Variants in PDE4D observed in about 807,000 individuals in gnomAD.
PDE4D encodes 3',5'-cyclic-AMP phosphodiesterase 4D.
Under a neutral mutation model 87.4 loss-of-function variants are expected in PDE4D, and 24 were observed. The ratio of observed to expected loss-of-function variants is 0.27; its 90% CI spans 0.20 to 0.39. The LOEUF (loss-of-function observed/expected upper bound fraction) is 0.39. Ranked by LOEUF, PDE4D falls within the 10% of genes least tolerant of loss-of-function variation. The pLI is 1.00. For synonymous variants in PDE4D, 384 were observed against 383.2 expected, an observed-to-expected ratio of 1.00 and a Z score of -0.02; for missense variants, 714 against 1,041.0, an observed-to-expected ratio of 0.69 and a Z score of 4.32.
At chr5:60,419,086 A>T (rs1024934803) in intron 1 of PDE4D, among the ~76,000 whole-genome samples, 3 of 152,238 alleles carry the variant, frequency 2.0e-5, no homozygotes, top group Non-Finnish European at 4.4e-5. Flanking sequence ...ATTTGGCAAC[A>T]TTTAACTAAG....
intron 6 of PDE4D, among the ~76,000 whole-genome samples, chr5:59,011,347 C>A (rs1292275047): frequency 6.6e-6 from 1 of 152,052 alleles, no homozygotes; most frequent in African/African-American, 2.4e-5. Context: ...TAAACTTTTC[C>A]GAGCTAAAGG....
intron 6 of PDE4D, among the ~76,000 whole-genome samples, chr5:59,036,235 T>C (rs902725972): frequency 6.6e-6 from 1 of 152,246 alleles, no homozygotes; most frequent in African/African-American, 2.4e-5. Flanking sequence ...AATCCTGATC[T>C]CTTACTAGTG....
intron 1 of PDE4D, among the ~76,000 whole-genome samples, chr5:59,244,203 C>A (rs1347823462): frequency 6.6e-6 from 1 of 151,688 alleles, no homozygotes; most frequent in African/African-American, 2.4e-5. Flanking sequence ...TTCAAGACCA[C>A]CCTGGGCAAC....
intron 2 of PDE4D, chr5:59,215,563 G>GTGTC (rs1343074438): frequency 1.9e-6 from 1 of 526,370 alleles, no homozygotes; most frequent in African/African-American, 2.0e-5. Flanking sequence ...GTGTGTGTGT[G>GTGTC]TGTGTGTGTG....
intron 2 of PDE4D, among the ~76,000 whole-genome samples, chr5:60,066,399 T>A (rs988663507): frequency 2.6e-5 from 4 of 152,134 alleles, no homozygotes; most frequent in African/African-American, 9.7e-5. Context: ...TACATGGAGA[T>A]GTTTTTGAAC....
intron 1 of PDE4D, among the ~76,000 whole-genome samples, chr5:59,320,821 TCTTC>T (rs1460366420): frequency 6.6e-6 from 1 of 152,074 alleles, no homozygotes; most frequent in East Asian, 1.9e-4. Context: ...TCTTTTCTTT[TCTTC>T]CTTCTTTCCT....
intron 1 of PDE4D, among the ~76,000 whole-genome samples, chr5:59,688,479 T>C (rs1272068716): frequency 6.6e-6 from 1 of 152,030 alleles, no homozygotes; most frequent in African/African-American, 2.4e-5. Flanking sequence ...ACTGGGTACA[T>C]AACGAAATGA....
At chr5:59,727,989 T>C (rs1209923459) in intron 1 of PDE4D, among the ~76,000 whole-genome samples, 1 of 152,104 alleles carries the variant, frequency 6.6e-6, no homozygotes, top group Non-Finnish European at 1.5e-5. Context: ...CATCTTGTCT[T>C]CTTTTTACTT....
intron 1 of PDE4D, among the ~76,000 whole-genome samples, chr5:59,255,487 G>A (rs555461065): frequency 1.2e-4 from 18 of 152,118 alleles, no homozygotes; most frequent in African/African-American, 3.9e-4. Flanking sequence ...TTCTTATAGT[G>A]GTAGTAAAAT....
intron 1 of PDE4D, among the ~76,000 whole-genome samples, chr5:59,615,131 G>T (rs1007188850): frequency 6.6e-6 from 1 of 151,996 alleles, no homozygotes; most frequent in African/African-American, 2.4e-5. Flanking sequence ...CGCCTGGCTG[G>T]GATATTTTTA....
chr5:59,202,082 A>G (rs2153495244), intron 2 of PDE4D, among the ~76,000 whole-genome samples: 1 of 118,694 alleles, frequency 8.4e-6, no homozygotes, highest in South Asian at 2.9e-4. Flanking sequence ...TCTGTCGCCC[A>G]GGCTGGAATG....
chr5:60,516,742 A>C (rs1750817402), intron 1 of PDE4D, among the ~76,000 whole-genome samples: 1 of 152,186 alleles, frequency 6.6e-6, no homozygotes, highest in African/African-American at 2.4e-5. Context: ...TACATGGATT[A>C]ACTCATTTAA....
intron 1 of PDE4D, among the ~76,000 whole-genome samples, chr5:59,574,035 T>C (rs1462101811): frequency 9.7e-5 from 11 of 113,210 alleles, no homozygotes; most frequent in Admixed American, 8.7e-4. Context: ...TATAAAAATA[T>C]ATATTTATAT....
At chr5:59,082,477 A>C (rs1438201458) in intron 5 of PDE4D, among the ~76,000 whole-genome samples, 4 of 152,108 alleles carry the variant, frequency 2.6e-5, no homozygotes, top group Non-Finnish European at 5.9e-5. Context: ...AAAAAGGTAG[A>C]CCATTATGAT....
At chr5:59,160,964 CGTGTGCCT>C (rs1348972004) in intron 5 of PDE4D, among the ~76,000 whole-genome samples, 1 of 152,056 alleles carries the variant, frequency 6.6e-6, no homozygotes, top group Non-Finnish European at 1.5e-5. Context: ...GGCATGGTGA[CGTGTGCCT>C]GTAATCCCAG....
intron 1 of PDE4D, among the ~76,000 whole-genome samples, chr5:59,392,355 TC>T (rs1788398083): frequency 6.6e-6 from 1 of 152,146 alleles, no homozygotes; most frequent in South Asian, 2.1e-4. Flanking sequence ...GATGCTTCCT[TC>T]TCTGAAATAT....
At chr5:60,111,261 T>C (rs1276016088) in intron 2 of PDE4D, among the ~76,000 whole-genome samples, 1 of 151,998 alleles carries the variant, frequency 6.6e-6, no homozygotes, top group East Asian at 1.9e-4. Flanking sequence ...TGAAATATCA[T>C]TCTGTACCCC....
chr5:60,449,387 G>A (rs935403318), intron 1 of PDE4D, among the ~76,000 whole-genome samples: 6 of 149,966 alleles, frequency 4.0e-5, no homozygotes, highest in South Asian at 2.1e-4. Context: ...GTAAACTATC[G>A]CAAGAACAAA....
intron 2 of PDE4D, among the ~76,000 whole-genome samples, chr5:60,091,102 T>C (rs969749847): frequency 2.0e-5 from 3 of 152,172 alleles, no homozygotes; most frequent in African/African-American, 7.2e-5. Flanking sequence ...GCAAAGATTT[T>C]TTAGGTAAGA....
Sources: allele counts gnomAD v4.1 joint callset (sites outside exome capture counted in the v4.1 genomes callset), GRCh38; gene constraint gnomAD v4.1.1; transcripts MANE v1.5; gene names NCBI Gene and HGNC (gene_info 2026-07-23, HGNC 2026-07-21).